The following SNRNP70 variants were observed in gnomAD, a reference collection of about 807,000 sequenced individuals.
The protein encoded by SNRNP70 is U1 small nuclear ribonucleoprotein 70 kDa.
SNRNP70 carries 8 observed loss-of-function variants against 50.5 expected under a neutral mutation model. The ratio of observed to expected loss-of-function variants is 0.16; its 90% CI spans 0.09 to 0.29. The LOEUF is 0.29. Ranked by LOEUF, SNRNP70 falls within the 10% of genes least tolerant of loss-of-function variation. The pLI is 1.00. For synonymous variants in SNRNP70, 320 were observed against 252.9 expected (o/e 1.27, Z -2.52); for missense variants, 529 against 663.5 (o/e 0.80, Z 2.23).
chr19:49,087,163 G>A (rs190886335), intron 2 of SNRNP70, among the ~76,000 whole-genome samples: 338 of 92,818 alleles, frequency 3.6e-3, no homozygotes, highest in Admixed American at 6.6e-3. Context: ...CTGAGCAACA[G>A]AACAAGACTG....
At chr19:49,093,766 G>C (rs960169451) in intron 4 of SNRNP70, among the ~76,000 whole-genome samples, 1 of 151,424 alleles carries the variant, frequency 6.6e-6, no homozygotes, top group Non-Finnish European at 1.5e-5. Flanking sequence ...GGCTGAGGCA[G>C]GCAGATCACA....
At chr19:49,101,744 G>C (rs1380141876) in intron 7 of SNRNP70, 2 of 481,814 alleles carry the variant, frequency 4.2e-6, no homozygotes, top group Admixed American at 3.3e-5. Flanking sequence ...GAACTGGGTG[G>C]GGGGCTGGGG....
intron 8 of SNRNP70, among the ~76,000 whole-genome samples, chr19:49,105,208 A>C (rs2040650719): frequency 6.6e-6 from 1 of 152,086 alleles, no homozygotes; most frequent in Non-Finnish European, 1.5e-5. Flanking sequence ...CCGGGCTTCT[A>C]GTTGAGCAAC....
chr19:49,091,373 A>T (rs1324155365), intron 4 of SNRNP70, among the ~76,000 whole-genome samples: 2 of 141,158 alleles, frequency 1.4e-5, no homozygotes, highest in African/African-American at 5.5e-5. Context: ...AATCTGTCTT[A>T]AAAAAAAAAA....
In SNRNP70 at chr19:49,086,465, C is replaced by T; in HGVS notation, c.51C>T (p.Asp17=). Residue 17 remains aspartate (D), a synonymous_variant, in exon 2 of 10, where the codon GAC becomes GAT. Transcript: ENST00000598441. The part of the protein sequence containing the change: ...PNLLALFAPR[D]PIPYLPPLEK... The stretch of plus-strand genomic sequence containing the variant: ...TTCTGGCCCTCTTTGCCCCCCGTGA[C>T]CCTATTCCATACCTGCCACCCCTGG... 1.2e-6 allele frequency: 2 copies of T among 1,614,118 alleles called. No individual in the cohort carries two copies. Among genetic ancestry groups the T allele is most frequent in the Non-Finnish European group, 1.7e-6 (2 of 1,180,016 alleles).
chr19:49,094,822 A>C (rs565996030), intron 4 of SNRNP70, among the ~76,000 whole-genome samples: 1 of 152,162 alleles, frequency 6.6e-6, no homozygotes, highest in East Asian at 1.9e-4. Context: ...AGGGGTTGCT[A>C]CTCCCATTTT....
intron 2 of SNRNP70, among the ~76,000 whole-genome samples, chr19:49,088,696 C>G (rs2040413156): frequency 6.6e-6 from 1 of 151,914 alleles, no homozygotes; most frequent in African/African-American, 2.4e-5. Flanking sequence ...GGGGTTTCAC[C>G]ATGTTGGTCA....
chr19:49,108,059 TGGC>T lies in SNRNP70; in HGVS notation c.936_938del (p.Gly314del). On this transcript the variant is annotated inframe_deletion, in exon 10 of 10. Coordinates refer to ENST00000598441, the MANE Select transcript of SNRNP70 (RefSeq NM_003089.6). ...AGCGGGAGCGCAAGGAGGAGCTGCGTGGCGGCGGTGGCGACATGGCGGAGCCCT... is the reference window on the plus strand; with the variant it reads ...AGCGGGAGCGCAAGGAGGAGCTGCGTGGCGGTGGCGACATGGCGGAGCCCT... 1.3e-6 allele frequency: 2 copies of T among 1,551,110 alleles called. No individual in the cohort carries two copies. Among genetic ancestry groups the T allele is most frequent in the African/African-American group, 1.4e-5 (1 of 73,378 alleles).
intron 6 of SNRNP70, among the ~76,000 whole-genome samples, chr19:49,099,984 C>T (rs1004231319): frequency 6.6e-6 from 1 of 152,198 alleles, no homozygotes; most frequent in Non-Finnish European, 1.5e-5. Flanking sequence ...TTCTGCCTTG[C>T]ACAGCCCAGT....
chr19:49,107,617 T>TGCCCC lies in SNRNP70; in HGVS notation c.578-7_578-3dup. The TGCCCC allele has an allele frequency of 1.9e-6, 3 of 1,613,672 alleles. No homozygotes were observed. The highest frequency in any genetic ancestry group is 2.5e-6 in the Non-Finnish European group (3 of 1,179,694). On this transcript the variant is annotated splice_region_variant and splice_polypyrimidine_tract_variant and intron_variant, in intron 8 of 9. Coordinates refer to ENST00000598441, the MANE Select transcript of SNRNP70 (RefSeq NM_003089.6). This position sits in a 1 kb window ranked among gnomAD's most constrained non-coding sequence, Gnocchi z 6.0. ...AGATTCACCCTCTGTCCGTCTGCCC[T>TGCCCC]GCCCCAGGAGGAGGCCTCGGTGGTA...
At chr19:49,091,205 C>G (rs1027564909) in intron 4 of SNRNP70, among the ~76,000 whole-genome samples, 1 of 151,960 alleles carries the variant, frequency 6.6e-6, no homozygotes, top group African/African-American at 2.4e-5. Context: ...CCTGTCTCTA[C>G]TAAAAGTACA....
intron 7 of SNRNP70, among the ~76,000 whole-genome samples, chr19:49,101,913 T>TCCCCAACCCTGGC (rs1555738270): frequency 6.6e-6 from 1 of 151,108 alleles, no homozygotes; most frequent in Non-Finnish European, 1.5e-5. Context: ...ACCCTCCGCT[T>TCCCCAACCCTGGC]CCCCAACCCT....
chr19:49,098,891 C>T (rs1348305737), intron 6 of SNRNP70, among the ~76,000 whole-genome samples, 187 bp downstream of exon 6: 2 of 152,148 alleles, frequency 1.3e-5, no homozygotes, highest in East Asian at 3.8e-4. Flanking sequence ...GAAGTAATGA[C>T]TGCTGGTGGT....
rs909976039 is a variant in SNRNP70, at chr19:49,107,099, C to A, written c.578-526C>A. Among the ~76,000 whole-genome samples the A allele has an allele frequency of 6.6e-6, 1 of 152,138 alleles. No individual in the cohort carries two copies. Among genetic ancestry groups the A allele is most frequent in the African/African-American group, 2.4e-5 (1 of 41,424 alleles). Reference sequence around the variant, plus strand: ...ACCAGTCCAGGGCAAGGAGAATGCACAGACACTGGCAGGAAGGTGAGCGTG... The same window carrying A: ...ACCAGTCCAGGGCAAGGAGAATGCAAAGACACTGGCAGGAAGGTGAGCGTG... On this transcript the variant is annotated intron_variant, in intron 8 of 9. Transcript: ENST00000598441. The surrounding 1 kb of genome is among the most constrained non-coding windows in gnomAD (Gnocchi z 6.0).
intron 4 of SNRNP70, 36 bp from the exon 5 acceptor site, chr19:49,098,391 A>T: frequency 1.3e-6 from 2 of 1,544,086 alleles, no homozygotes; most frequent in Non-Finnish European, 1.8e-6. Flanking sequence ...GACCATGGAC[A>T]CCTTCAACTT....
intron 2 of SNRNP70, chr19:49,087,596 G>A (rs2040398051): frequency 6.6e-6 from 1 of 152,182 alleles, no homozygotes; most frequent in Non-Finnish European, 1.5e-5. Flanking sequence ...TTAGGCTCCT[G>A]GACCTCTGTG....
intron 7 of SNRNP70, 113 bp downstream of exon 7, chr19:49,101,584 C>G: frequency 2.8e-6 from 2 of 712,488 alleles, no homozygotes; most frequent in East Asian, 2.7e-5. Context: ...TTAGCGATGT[C>G]TCTTCTCCTC....
intron 8 of SNRNP70, among the ~76,000 whole-genome samples, chr19:49,106,599 G>A (rs1198278489): frequency 6.6e-6 from 1 of 152,106 alleles, no homozygotes; most frequent in Non-Finnish European, 1.5e-5. Context: ...ACAGAACTCA[G>A]CCCTGCCTCA....
At chr19:49,091,673 C>T (rs953544040) in intron 4 of SNRNP70, among the ~76,000 whole-genome samples, 2 of 152,092 alleles carry the variant, frequency 1.3e-5, no homozygotes, top group Admixed American at 6.6e-5. Flanking sequence ...TTGATGAATC[C>T]CTTTCCTCCA....
Sources: allele counts gnomAD v4.1 joint callset (sites outside exome capture counted in the v4.1 genomes callset), GRCh38; gene constraint gnomAD v4.1.1; non-coding constraint Gnocchi (gnomAD v3.1); transcripts MANE v1.5; gene names NCBI Gene and HGNC (gene_info 2026-07-23, HGNC 2026-07-21).